Variants in ZNF609 observed in about 807,000 individuals in gnomAD.
ZNF609 encodes zinc finger protein 609.
Under a neutral mutation model 109.5 loss-of-function variants are expected in ZNF609, and 11 were observed. The observed-to-expected ratio is 0.10, with a 90% CI of 0.06 to 0.17. The LOEUF is 0.17. Ranked by LOEUF, ZNF609 falls within the 10% of genes least tolerant of loss-of-function variation. ZNF609 has a pLI of 1.00. For synonymous variants in ZNF609, 646 were observed against 662.0 expected, an observed-to-expected ratio of 0.98 and a Z score of 0.37; for missense variants, 1,559 against 1,772.4, an observed-to-expected ratio of 0.88 and a Z score of 2.16.
intron 2 of ZNF609, among the ~76,000 whole-genome samples, chr15:64,622,606 G>A (rs1026023931): frequency 2.6e-5 from 4 of 152,014 alleles, no homozygotes; most frequent in Non-Finnish European, 5.9e-5. Flanking sequence ...ATCATTATAC[G>A]CTCATTAATA....
At chr15:64,644,789 A>T (rs971868998) in intron 3 of ZNF609, among the ~76,000 whole-genome samples, 5 of 152,158 alleles carry the variant, frequency 3.3e-5, no homozygotes, top group African/African-American at 9.7e-5. Context: ...CTTTGTTTTT[A>T]TTATACATGT....
At chr15:64,481,343 G>A (rs1159221566) in intron 1 of ZNF609, among the ~76,000 whole-genome samples, 13 of 137,578 alleles carry the variant, frequency 9.4e-5, no homozygotes, top group Admixed American at 2.3e-4. Context: ...TTTTTGAGAC[G>A]GAGTTTCACT....
intron 2 of ZNF609, among the ~76,000 whole-genome samples, chr15:64,619,419 G>A (rs1383546171): frequency 3.3e-5 from 5 of 152,168 alleles, no homozygotes; most frequent in Non-Finnish European, 7.3e-5. Flanking sequence ...ATATCACAGA[G>A]CTTATTATGC....
intron 2 of ZNF609, among the ~76,000 whole-genome samples, chr15:64,584,029 T>G (rs950098687): frequency 2.6e-5 from 4 of 152,250 alleles, no homozygotes; most frequent in African/African-American, 9.6e-5. Flanking sequence ...TTGTCTGCTA[T>G]TCTCTTCTCT....
intron 3 of ZNF609, among the ~76,000 whole-genome samples, chr15:64,659,573 C>G (rs1045717922): frequency 6.6e-6 from 1 of 151,940 alleles, no homozygotes; most frequent in Non-Finnish European, 1.5e-5. Flanking sequence ...AAGAGGAGAC[C>G]GAGAAGCAAA....
At chr15:64,577,139 A>AATATACACATATATGTGT (rs1894991228) in intron 2 of ZNF609, among the ~76,000 whole-genome samples, 1 of 28,242 alleles carries the variant, frequency 3.5e-5, no homozygotes, top group Non-Finnish European at 1.4e-4. Flanking sequence ...TATACACACA[A>AATATACACATATATGTGT]ATATATACAT....
rs140619016 is a variant in ZNF609, at chr15:64,676,133, C to T, written c.3279C>T (p.Ala1093=). 3.6e-4 allele frequency: 574 copies of T among 1,614,072 alleles called. 2 individuals are homozygous for T. The highest frequency in any genetic ancestry group is 4.5e-4 in the Non-Finnish European group (526 of 1,180,050). Residue 1093 remains alanine, a synonymous_variant, in exon 5 of 10, where the codon GCC becomes GCT. Coordinates refer to ENST00000326648, the MANE Select transcript of ZNF609 (RefSeq NM_015042.2). The part of the protein sequence containing the change: ...LDDSSKLPGQ[A]PEGLKVKLSD... ...ACTCTTCAAAACTCCCGGGCCAGGC[C>T]CCTGAAGGCCTTAAAGTGAAGCTGA...
chr15:64,592,903 ACT>A, intron 2 of ZNF609: 1 of 722,130 alleles, frequency 1.4e-6, no homozygotes, highest in Non-Finnish European at 2.3e-6. Context: ...ACAGAGCAAG[ACT>A]CTTGTCTCAA....
intron 3 of ZNF609, among the ~76,000 whole-genome samples, chr15:64,638,069 T>C (rs370003318): frequency 6.1e-5 from 9 of 148,364 alleles, no homozygotes; most frequent in African/African-American, 2.2e-4. Context: ...CCACAATCTA[T>C]CTGGAATTTA....
chr15:64,467,935 G>A lies in ZNF609; in HGVS notation c.-128+7097G>A, dbSNP rs968613350. On this transcript the variant is annotated intron_variant, in intron 1 of 9. Coordinates refer to ENST00000326648, the MANE Select transcript of ZNF609 (RefSeq NM_015042.2). ...TTCTAACACTTCTCTTTATGTGGATGAAATTTTATTTTTCTGTGTCTTTGT... is the reference window on the plus strand; with the variant it reads ...TTCTAACACTTCTCTTTATGTGGATAAAATTTTATTTTTCTGTGTCTTTGT... 2.0e-5 allele frequency among the ~76,000 whole-genome samples: 3 copies of A among 151,954 alleles called. No individual in the cohort carries two copies. The South Asian group carries it at 6.2e-4, about 32-fold the overall frequency.
intron 1 of ZNF609, among the ~76,000 whole-genome samples, chr15:64,497,573 T>C (rs1339733127): frequency 6.6e-6 from 1 of 152,190 alleles, no homozygotes; most frequent in African/African-American, 2.4e-5. Flanking sequence ...ACTGTGACAC[T>C]ACTGGCTTGT....
At chr15:64,651,995 AAACTT>A (rs1328104936) in intron 3 of ZNF609, among the ~76,000 whole-genome samples, 1 of 152,178 alleles carries the variant, frequency 6.6e-6, no homozygotes, top group Non-Finnish European at 1.5e-5. Flanking sequence ...AAAAAAAAAA[AAACTT>A]AAGACATGAA....
intron 1 of ZNF609, among the ~76,000 whole-genome samples, chr15:64,479,112 C>G (rs912156523): frequency 3.3e-5 from 5 of 151,956 alleles, no homozygotes; most frequent in African/African-American, 9.7e-5. Flanking sequence ...AGTTTCGTAA[C>G]ACTATCTGAC....
chr15:64,603,236 T>A (rs548106632), intron 2 of ZNF609, among the ~76,000 whole-genome samples: 1 of 152,094 alleles, frequency 6.6e-6, no homozygotes, highest in South Asian at 2.1e-4. Context: ...CAGATTTTTC[T>A]TACCTCCTTG....
At chr15:64,668,882 G>T (rs1175498449) in intron 3 of ZNF609, among the ~76,000 whole-genome samples, 1 of 148,934 alleles carries the variant, frequency 6.7e-6, no homozygotes, top group African/African-American at 2.5e-5. Context: ...AACCCAGGAG[G>T]CGGAGGTTGC....
chr15:64,656,708 C>T (rs892717949), intron 3 of ZNF609, among the ~76,000 whole-genome samples: 3 of 151,078 alleles, frequency 2.0e-5, no homozygotes, highest in Non-Finnish European at 3.0e-5. Flanking sequence ...CTCCCTTCCT[C>T]CCTTCCTTCC....
chr15:64,635,430 T>A (rs1310127336), intron 3 of ZNF609, among the ~76,000 whole-genome samples: 1 of 152,202 alleles, frequency 6.6e-6, no homozygotes, highest in East Asian at 1.9e-4. Flanking sequence ...GTTTTCTTGC[T>A]CTGTTAATAA....
intron 2 of ZNF609, among the ~76,000 whole-genome samples, chr15:64,544,562 G>A (rs1436778383): frequency 6.6e-6 from 1 of 152,190 alleles, no homozygotes; most frequent in Non-Finnish European, 1.5e-5. Flanking sequence ...TTAGTTGCTA[G>A]GCTGGTTCTC....
chr15:64,537,965 G>A (rs1455528952), intron 2 of ZNF609, among the ~76,000 whole-genome samples: 1 of 152,088 alleles, frequency 6.6e-6, no homozygotes, highest in Non-Finnish European at 1.5e-5. Context: ...AATTAGCCAG[G>A]CATGGTGGCG....
Sources: gnomAD v4.1 joint callset for allele counts (sites outside exome capture counted in the v4.1 genomes callset) on GRCh38, gnomAD v4.1.1 for gene constraint, MANE v1.5 for transcripts, NCBI Gene and HGNC (gene_info 2026-07-23, HGNC 2026-07-21) for gene names.